The following MEST variants were observed in gnomAD, a reference collection of about 807,000 sequenced individuals.
MEST encodes the protein mesoderm-specific transcript homolog protein.
In MEST, 18 loss-of-function variants were observed where a neutral mutation model predicts 50.9. The ratio of observed to expected loss-of-function variants is 0.35; its 90% CI spans 0.24 to 0.52. The LOEUF (loss-of-function observed/expected upper bound fraction) is 0.52, where lower values mean the gene tolerates loss of function less well. Ranked by LOEUF, MEST falls within the 20% of genes least tolerant of loss-of-function variation. The probability of loss-of-function intolerance (pLI) is 0.94; values close to 1 mark genes in which losing one functional copy is unlikely to be tolerated. For synonymous variants in MEST, 130 were observed against 154.1 expected (o/e 0.84, Z 1.16); for missense variants, 282 against 425.3 (o/e 0.66, Z 2.96).
In MEST at chr7:130,504,013, G is replaced by C; in HGVS notation, c.890+17G>C. The C allele has an allele frequency of 6.2e-7, 1 of 1,604,092 alleles. No homozygotes were observed. The highest frequency in any genetic ancestry group is 1.1e-5 in the South Asian group (1 of 90,850). ...GCTGTACAGGTGAGTCTCCCCGAGA[G>C]AAGTCTATGTTTTGTTAGTATCTCA... On this transcript the variant is annotated intron_variant, in intron 11 of 11. Transcript: ENST00000223215.
At chr7:130,491,740 G>T (rs1554435277), upstream of MEST, among the ~76,000 whole-genome samples, 1 of 152,288 alleles carries the variant, frequency 6.6e-6, no homozygotes, top group African/African-American at 2.4e-5. The surrounding 1 kb of genome is among the most constrained non-coding windows in gnomAD (Gnocchi z 6.8). Context: ...TGTGGGGTTT[G>T]TGGGTGGTCT....
Position 130,498,482 on chromosome 7 carries a change from T to C in MEST, c.535+5T>C, listed in dbSNP as rs868982892. ...GTCTCTGTCTGTCAAATGGAGGTAA[T>C]TGCCTTGGCGGTAGGTAGAAAGTGG... On this transcript the variant is annotated splice_donor_5th_base_variant and intron_variant, in intron 6 of 11. Coordinates refer to ENST00000223215, the MANE Select transcript of MEST (RefSeq NM_002402.4). The C allele has an allele frequency of 9.9e-6, 16 of 1,614,056 alleles. No homozygotes were observed. Among genetic ancestry groups the C allele is most frequent in the Non-Finnish European group, 1.4e-5 (16 of 1,179,948 alleles).
chr7:130,499,810 C>T, intron 6 of MEST, 65 bp from the exon 7 acceptor site: 1 of 1,364,468 alleles, frequency 7.3e-7, no homozygotes, highest in East Asian at 2.3e-5. Context: ...CAGTGAGATC[C>T]CGTCTCTATA....
chr7:130,497,670 G>A lies in MEST; in HGVS notation c.262-266G>A. On this transcript the variant is annotated intron_variant, in intron 3 of 11. Coordinates refer to ENST00000223215, the MANE Select transcript of MEST (RefSeq NM_002402.4). This position sits in a 1 kb window ranked among gnomAD's most constrained non-coding sequence, Gnocchi z 4.0. ...TTAAAAAAACATTAAATGTTGAACT[G>A]TTCCTTATTTACTGAAGGGAATAAA... 6.1e-6 allele frequency: 3 copies of A among 495,454 alleles called. No homozygotes were observed. Among genetic ancestry groups the A allele is most frequent in the Non-Finnish European group, 7.2e-6 (2 of 276,518 alleles). 30.7% of individuals were successfully genotyped at this position (495,454 alleles called of 1,614,324 possible).
intron 10 of MEST, among the ~76,000 whole-genome samples, chr7:130,502,981 A>G (rs1192859563): frequency 6.6e-6 from 1 of 152,220 alleles, no homozygotes; most frequent in Non-Finnish European, 1.5e-5. Flanking sequence ...TTTACTGGCA[A>G]CTGTACTCAT....
Position 130,500,008 on chromosome 7 carries a change from C to G in MEST, c.576+93C>G. ...TAAGGGCCATAGCTCCTGTAACTGG[C>G]AGTAGTTAAATCCTCTTCCTTGTGA... On this transcript the variant is annotated intron_variant, in intron 7 of 11. Coordinates refer to ENST00000223215, the MANE Select transcript of MEST (RefSeq NM_002402.4). The surrounding 1 kb of genome is among the most constrained non-coding windows in gnomAD (Gnocchi z 5.0). 1 of 1,030,958 alleles carries G rather than the reference C, an allele frequency of 9.7e-7. No homozygotes were observed. The highest frequency in any genetic ancestry group is 1.4e-6 in the Non-Finnish European group (1 of 691,320). 63.9% of individuals were successfully genotyped at this position (1,030,958 alleles called of 1,614,324 possible).
In MEST at chr7:130,497,356, A is replaced by ACCTGAG; in HGVS notation, c.261+121_261+122insCCTGAG. 2.9e-6 allele frequency: 2 copies of ACCTGAG among 694,684 alleles called. No individual in the cohort carries two copies. Among genetic ancestry groups the ACCTGAG allele is most frequent in the Admixed American group, 2.9e-5 (1 of 34,576 alleles). The allele number at this position is 694,684 out of a possible 1,614,324, so 43.0% of individuals were successfully genotyped here. ...AGGATGACCTGAGGTCAGGAGTTTG[A>ACCTGAG]GACCAGCCAGGCCAACATGGCAAAA... On this transcript the variant is annotated intron_variant, in intron 3 of 11. Coordinates refer to ENST00000223215, the MANE Select transcript of MEST (RefSeq NM_002402.4). The surrounding 1 kb of genome is among the most constrained non-coding windows in gnomAD (Gnocchi z 4.0).
At chr7:130,489,438 C>G (rs782541528), upstream of MEST, 2 of 152,198 alleles carry the variant, frequency 1.3e-5, no homozygotes, top group African/African-American at 2.4e-5. Context: ...TGTTTTATAC[C>G]TTGGGTCAAA....
In MEST at chr7:130,502,733, G is replaced by A. The variant is rs1799321090; in HGVS notation, c.826+13G>A. On this transcript the variant is annotated intron_variant, in intron 10 of 11. Transcript: ENST00000223215. The stretch of plus-strand genomic sequence containing the variant: ...GTAACTATCCCCAGTGAGTATTTTT[G>A]TATTATTGATAGGAAACTGAAGGAC... The A allele has an allele frequency of 6.2e-7, 1 of 1,601,340 alleles. No individual in the cohort carries two copies. The highest frequency in any genetic ancestry group is 8.6e-7 in the Non-Finnish European group (1 of 1,168,474).
At chr7:130,498,612 G>A (rs911927029) in intron 6 of MEST, 135 bp downstream of exon 6, 3 of 788,626 alleles carry the variant, frequency 3.8e-6, no homozygotes, top group Non-Finnish European at 6.4e-6. Context: ...CCTCTTCTGT[G>A]CCATCAACTC....
intron 9 of MEST, 139 bp downstream of exon 9, chr7:130,501,029 G>T: frequency 1.6e-6 from 1 of 606,734 alleles, no homozygotes. Context: ...AAAAGTCATG[G>T]TCTATATGAA....
At chr7:130,501,748 G>A (rs1554438546) in intron 9 of MEST, among the ~76,000 whole-genome samples, 1 of 152,132 alleles carries the variant, frequency 6.6e-6, no homozygotes, top group Non-Finnish European at 1.5e-5. Context: ...GCTCACGCCT[G>A]TAATTTGAGC....
intron 2 of MEST, chr7:130,496,485 T>C (rs1214822842): frequency 3.5e-6 from 1 of 289,664 alleles, no homozygotes; most frequent in East Asian, 1.4e-4. Flanking sequence ...TGAATATACC[T>C]GTTCTAATCC....
rs1456691835 is a variant in MEST, at chr7:130,505,247, G to A, written c.*191G>A. On this transcript the variant is annotated 3_prime_UTR_variant, in exon 12 of 12. Transcript: ENST00000223215. The stretch of plus-strand genomic sequence containing the variant: ...AGCTCTGACTAAGGTTGACATAATA[G>A]TCCACCTCCCATTACTTTGATATCT... 1.9e-6 allele frequency: 1 copy of A among 534,854 alleles called. No homozygotes were observed. The highest frequency in any genetic ancestry group is 3.4e-6 in the Non-Finnish European group (1 of 295,722). The allele number at this position is 534,854 out of a possible 1,614,324, so 33.1% of individuals were successfully genotyped here.
intron 1 of MEST, chr7:130,494,551 G>C (rs978930595): frequency 1.3e-5 from 2 of 152,122 alleles, no homozygotes; most frequent in Admixed American, 1.3e-4. Flanking sequence ...TCACACGCTG[G>C]GTATGAGTTA....
Position 130,492,108 on chromosome 7 carries a change from G to A in MEST, c.-206G>A, listed in dbSNP as rs1489064487. 6 of 284,242 alleles carry A rather than the reference G, an allele frequency of 2.1e-5. No individual in the cohort carries two copies. The highest frequency in any genetic ancestry group is 4.5e-5 in the African/African-American group (2 of 44,600). 17.6% of individuals were successfully genotyped at this position (284,242 alleles called of 1,614,324 possible). ...GCTGCCGCGGCAACCAGCACACCCCGGCACCTCCTCTGCGGCAGCTGCGCC... is the reference window on the plus strand; with the variant it reads ...GCTGCCGCGGCAACCAGCACACCCCAGCACCTCCTCTGCGGCAGCTGCGCC... On this transcript the variant is annotated 5_prime_UTR_variant, in exon 1 of 12. Transcript: ENST00000223215. This position sits in a 1 kb window ranked among gnomAD's most constrained non-coding sequence, Gnocchi z 7.6.
intron 1 of MEST, chr7:130,493,312 T>C (rs112264811): frequency 3.0e-4 from 46 of 152,134 alleles, no homozygotes; most frequent in African/African-American, 9.2e-4. Flanking sequence ...TTTTTCTGTT[T>C]ACAAGATGAA....
intron 6 of MEST, 120 bp from the exon 7 acceptor site, chr7:130,499,755 G>T (rs1410410227): frequency 8.4e-6 from 6 of 716,770 alleles, no homozygotes; most frequent in Non-Finnish European, 1.4e-5. Context: ...ACTTTGGGAG[G>T]CTGAGGTGAG....
Position 130,492,504 on chromosome 7 carries a change from G to C in MEST, c.26+165G>C, listed in dbSNP as rs1419987882. 3 of 476,636 alleles carry C rather than the reference G, an allele frequency of 6.3e-6. No individual in the cohort carries two copies. The highest frequency in any genetic ancestry group is 4.0e-5 in the African/African-American group (2 of 49,714). 29.5% of individuals were successfully genotyped at this position (476,636 alleles called of 1,614,324 possible). A position where few individuals can be genotyped will look rare whatever the true frequency, so the allele number is the denominator to read the frequency against. Reference sequence around the variant, plus strand: ...GCCCGCTCTGCCTACTTGAGGAGGGGGTGTCACTCCTGCCCGCAATGGAAT... The same window carrying C: ...GCCCGCTCTGCCTACTTGAGGAGGGCGTGTCACTCCTGCCCGCAATGGAAT... On this transcript the variant is annotated intron_variant, in intron 1 of 11. Transcript: ENST00000223215. The surrounding 1 kb of genome is among the most constrained non-coding windows in gnomAD (Gnocchi z 7.6).
Sources: allele counts gnomAD v4.1 joint callset (sites outside exome capture counted in the v4.1 genomes callset), GRCh38; gene constraint gnomAD v4.1.1; non-coding constraint Gnocchi (gnomAD v3.1); transcripts MANE v1.5; gene names NCBI Gene and HGNC (gene_info 2026-07-23, HGNC 2026-07-21).